Variants in LSAMP observed in about 807,000 individuals in gnomAD.
LSAMP encodes the protein limbic system associated membrane protein.
A neutral mutation model predicts 38.6 loss-of-function variants in LSAMP; 7 were observed. The ratio of observed to expected loss-of-function variants is 0.18; its 90% confidence interval spans 0.10 to 0.34. The LOEUF is 0.34. Among genes scored for constraint, LSAMP ranks in the 10% least tolerant of loss-of-function variants. LSAMP has a pLI of 1.00. For missense variants in LSAMP, 313 were observed against 420.0 expected (o/e 0.75, Z 2.23); for synonymous variants, 154 against 166.8 (o/e 0.92, Z 0.59).
intron 1 of LSAMP, among the ~76,000 whole-genome samples, chr3:116,137,966 A>G (rs1180047964): frequency 6.6e-6 from 1 of 152,180 alleles, no homozygotes; most frequent in Non-Finnish European, 1.5e-5. Context: ...GGCAAGAGCT[A>G]AGGAAAACAA....
At chr3:115,884,837 T>C (rs1326223863) in intron 3 of LSAMP, among the ~76,000 whole-genome samples, 1 of 151,980 alleles carries the variant, frequency 6.6e-6, no homozygotes, top group Admixed American at 6.6e-5. Context: ...CACGAATGAT[T>C]ATAAGAAACA....
intron 2 of LSAMP, among the ~76,000 whole-genome samples, chr3:116,074,936 C>T (rs562579694): frequency 7.3e-4 from 109 of 149,694 alleles, no homozygotes; most frequent in Admixed American, 1.7e-3. Context: ...CTCCGCCACC[C>T]GGGTTCAAGT....
chr3:115,972,691 TTA>T (rs1255410151), intron 3 of LSAMP, among the ~76,000 whole-genome samples: 1 of 151,202 alleles, frequency 6.6e-6, no homozygotes, highest in African/African-American at 2.4e-5. Flanking sequence ...GACTTTGAGA[TTA>T]GATTACTGTG....
intron 3 of LSAMP, among the ~76,000 whole-genome samples, chr3:115,878,770 G>T (rs1379841556): frequency 6.6e-6 from 1 of 151,970 alleles, no homozygotes; most frequent in African/African-American, 2.4e-5. Context: ...GTGAGAACAT[G>T]CTATTCTAAT....
chr3:116,199,264 A>G (rs2045956086), intron 1 of LSAMP, among the ~76,000 whole-genome samples: 1 of 152,084 alleles, frequency 6.6e-6, no homozygotes, highest in Non-Finnish European at 1.5e-5. Flanking sequence ...TAAGAAATAC[A>G]TGGTTAATTA....
chr3:116,136,323 G>A (rs1709246938), intron 1 of LSAMP, among the ~76,000 whole-genome samples: 1 of 151,732 alleles, frequency 6.6e-6, no homozygotes, highest in Admixed American at 6.6e-5. Context: ...GAAGATAAGA[G>A]TGTGCTTTTA....
At chr3:116,113,420 A>ATATATATT (rs1553705042) in intron 1 of LSAMP, among the ~76,000 whole-genome samples, 2 of 51,042 alleles carry the variant, frequency 3.9e-5, no homozygotes, top group African/African-American at 9.6e-5. Flanking sequence ...ATATATATAT[A>ATATATATT]TTTTTTTTTT....
At chr3:116,343,700 T>C (rs2048027018) in intron 1 of LSAMP, among the ~76,000 whole-genome samples, 1 of 150,080 alleles carries the variant, frequency 6.7e-6, no homozygotes, top group South Asian at 2.1e-4. Flanking sequence ...ATTTTGGCCA[T>C]ATCTCATAAA....
At chr3:116,377,909 AT>A (rs777281817) in intron 1 of LSAMP, among the ~76,000 whole-genome samples, 4 of 152,050 alleles carry the variant, frequency 2.6e-5, no homozygotes, top group Non-Finnish European at 5.9e-5. Flanking sequence ...GGGAGCCAGA[AT>A]TAGAGCCAGG....
At chr3:116,367,495 C>CTTTTTTTTTTTTTTTTTTTCTTT (rs751600891) in intron 1 of LSAMP, among the ~76,000 whole-genome samples, 1 of 133,352 alleles carries the variant, frequency 7.5e-6, no homozygotes, top group Non-Finnish European at 1.6e-5. Flanking sequence ...TATTTTCTTC[C>CTTTTTTTTTTTTTTTTTTTCTTT]TTTTTTTTTT....
intron 1 of LSAMP, among the ~76,000 whole-genome samples, chr3:116,297,748 G>T (rs1299217100): frequency 6.6e-6 from 1 of 151,954 alleles, no homozygotes; most frequent in African/African-American, 2.4e-5. Context: ...TCTGTACATT[G>T]GTTTATTTGT....
chr3:116,313,854 T>C (rs963577516), intron 1 of LSAMP, among the ~76,000 whole-genome samples: 1 of 152,130 alleles, frequency 6.6e-6, no homozygotes, highest in Non-Finnish European at 1.5e-5. Flanking sequence ...CCTGGGAGGC[T>C]GAGGCAGGAG....
At chr3:116,295,247 A>G (rs917299183) in intron 1 of LSAMP, among the ~76,000 whole-genome samples, 20 of 152,156 alleles carry the variant, frequency 1.3e-4, no homozygotes, top group African/African-American at 4.8e-4. Context: ...GAATAAAAGT[A>G]AGGATGAGGG....
At chr3:116,199,114 T>C (rs1449220576) in intron 1 of LSAMP, among the ~76,000 whole-genome samples, 2 of 150,724 alleles carry the variant, frequency 1.3e-5, no homozygotes, top group Admixed American at 1.3e-4. Flanking sequence ...TAAATAAAAA[T>C]AGAAAATCAG....
intron 2 of LSAMP, among the ~76,000 whole-genome samples, chr3:116,053,060 C>T (rs1941425351): frequency 6.6e-6 from 1 of 152,202 alleles, no homozygotes; most frequent in Non-Finnish European, 1.5e-5. Flanking sequence ...CTGATGTTTA[C>T]TGTCACCCAA....
chr3:115,820,517 C>T (rs772281380), intron 6 of LSAMP, among the ~76,000 whole-genome samples: 61 of 152,156 alleles, frequency 4.0e-4, no homozygotes, highest in Non-Finnish European at 7.1e-4. Context: ...TTAGGAAAGG[C>T]AAGTGCCTCG....
chr3:116,121,553 C>T (rs1708876237), intron 1 of LSAMP, among the ~76,000 whole-genome samples: 1 of 152,196 alleles, frequency 6.6e-6, no homozygotes, highest in Admixed American at 6.5e-5. Flanking sequence ...TTTTAGCTCA[C>T]ATTTATCAAT....
intron 2 of LSAMP, among the ~76,000 whole-genome samples, chr3:116,079,201 C>T (rs1707817369): frequency 6.6e-6 from 1 of 152,146 alleles, no homozygotes; most frequent in Admixed American, 6.5e-5. Flanking sequence ...TAGCCAAGGT[C>T]CCAACTTTCC....
chr3:116,417,726 T>C (rs868430477), intron 1 of LSAMP, among the ~76,000 whole-genome samples: 1 of 152,192 alleles, frequency 6.6e-6, no homozygotes, highest in Non-Finnish European at 1.5e-5. Flanking sequence ...CTTTTAATAA[T>C]AGGAGTCTTT....
Sources: allele counts gnomAD v4.1 joint callset (sites outside exome capture counted in the v4.1 genomes callset), GRCh38; gene constraint gnomAD v4.1.1; transcripts MANE v1.5; gene names NCBI Gene and HGNC (gene_info 2026-07-23, HGNC 2026-07-21).